Variants in HERC1 observed in about 807,000 individuals in gnomAD.
HERC1 encodes probable E3 ubiquitin-protein ligase HERC1.
In HERC1, 160 loss-of-function variants were observed where a neutral mutation model predicts 554.3. That is an observed-to-expected ratio of 0.29 (90% CI 0.25 to 0.33). The LOEUF is 0.33. Ranked by LOEUF, HERC1 falls within the 10% of genes least tolerant of loss-of-function variation. The probability of loss-of-function intolerance (pLI) is 1.00; values close to 1 mark genes in which losing one functional copy is unlikely to be tolerated. For synonymous variants in HERC1, 2,175 were observed against 2,131.7 expected, an observed-to-expected ratio of 1.02 and a Z score of -0.56; for missense variants, 4,919 against 5,918.5, an observed-to-expected ratio of 0.83 and a Z score of 5.54.
At chr15:63,613,834 A>C (rs1307260335) in intron 76 of HERC1, among the ~76,000 whole-genome samples, 1 of 152,120 alleles carries the variant, frequency 6.6e-6, no homozygotes, top group East Asian at 1.9e-4. Flanking sequence ...AAAAAATAAA[A>C]TAATAAAAAA....
intron 45 of HERC1, among the ~76,000 whole-genome samples, chr15:63,661,502 G>A (rs1197347286): frequency 2.6e-5 from 4 of 152,172 alleles, no homozygotes; most frequent in Non-Finnish European, 5.9e-5. Flanking sequence ...TAAGGCAAGG[G>A]TCCTGACCAT....
intron 74 of HERC1, among the ~76,000 whole-genome samples, chr15:63,619,295 T>C (rs1262901057): frequency 1.3e-5 from 2 of 152,188 alleles, no homozygotes; most frequent in African/African-American, 4.8e-5. Flanking sequence ...TGCTGGATTA[T>C]GTTTATTGAT....
At position 63,680,787 on chromosome 15, in the gene HERC1, AG is replaced by A; in HGVS notation, c.6226-12del. ...CTTCACAATATAAAACTAAAATAAAAGTGGGATATTCATTAATACTCAAAAA... is the reference window on the plus strand; with the variant it reads ...CTTCACAATATAAAACTAAAATAAAATGGGATATTCATTAATACTCAAAAA... On this transcript the variant is annotated splice_polypyrimidine_tract_variant and intron_variant, in intron 34 of 77. Transcript: ENST00000443617. The surrounding 1 kb of genome is among the most constrained non-coding windows in gnomAD (Gnocchi z 5.8). The A allele has an allele frequency of 6.3e-7, 1 of 1,595,652 alleles. No homozygotes were observed. Among genetic ancestry groups the A allele is most frequent in the Non-Finnish European group, 8.6e-7 (1 of 1,163,296 alleles).
At chr15:63,750,758 C>T (rs1261265608) in intron 8 of HERC1, among the ~76,000 whole-genome samples, 2 of 151,948 alleles carry the variant, frequency 1.3e-5, no homozygotes, top group African/African-American at 4.8e-5. Context: ...GTGGCAAGAC[C>T]CGATCTCCAC....
chr15:63,830,738 AAAAT>A (rs1339110714), intron 1 of HERC1, among the ~76,000 whole-genome samples: 6 of 152,214 alleles, frequency 3.9e-5, no homozygotes, highest in African/African-American at 1.4e-4. Context: ...TAAATCATTA[AAAAT>A]AAATAAAATC....
At position 63,694,040 on chromosome 15, in the gene HERC1, T is replaced by C. The variant is rs767187281; in HGVS notation, c.5598A>G (p.Glu1866=). 1.9e-6 allele frequency: 3 copies of C among 1,599,658 alleles called. No individual in the cohort carries two copies. The South Asian group carries it at 3.4e-5, about 18-fold the overall frequency. ...TGVLHMASFG[E]GEQEDGEEEE... ...CTTCTTCACCGTCTTCTTGCTCCCC[T>C]TCTCCGAAAGAGGCCATATGTAGTA... The change falls in exon 30 of 78, where the codon GAA becomes GAG. Residue 1866 remains glutamate (E), a synonymous_variant. Transcript: ENST00000443617. The surrounding 1 kb of genome is among the most constrained non-coding windows in gnomAD (Gnocchi z 4.3).
At chr15:63,829,338 G>T (rs2078046723) in intron 1 of HERC1, among the ~76,000 whole-genome samples, 1 of 151,518 alleles carries the variant, frequency 6.6e-6, no homozygotes, top group Admixed American at 6.6e-5. Context: ...TGGAAGGATG[G>T]CTTAAGCCCA....
chr15:63,721,927 C>G (rs2073838824), intron 19 of HERC1, among the ~76,000 whole-genome samples: 1 of 152,222 alleles, frequency 6.6e-6, no homozygotes, highest in Admixed American at 6.5e-5. Context: ...GTGGTGCAAT[C>G]TTGACTCACT....
chr15:63,703,339 C>T (rs1165770304), intron 25 of HERC1, among the ~76,000 whole-genome samples: 2 of 152,204 alleles, frequency 1.3e-5, no homozygotes. Flanking sequence ...ACTGAGATTA[C>T]AGGCAATGGG....
At chr15:63,651,853 T>C (rs557049870) in intron 52 of HERC1, among the ~76,000 whole-genome samples, 2 of 152,178 alleles carry the variant, frequency 1.3e-5, no homozygotes, top group African/African-American at 2.4e-5. Flanking sequence ...CTGGCCAACA[T>C]AGTGAAACCC....
intron 74 of HERC1, among the ~76,000 whole-genome samples, chr15:63,618,813 T>C (rs1056558401): frequency 2.6e-5 from 4 of 152,232 alleles, no homozygotes; most frequent in African/African-American, 9.7e-5. Context: ...TATTGGTGTA[T>C]AAGAATGTTT....
At chr15:63,616,066 C>CTA in intron 75 of HERC1, 146 bp from the exon 76 acceptor site, 1 of 685,706 alleles carries the variant, frequency 1.5e-6, no homozygotes, top group Non-Finnish European at 2.4e-6. Context: ...ACTGATCAGG[C>CTA]TACTTGATCA....
chr15:63,725,232 A>G (rs953624014), intron 18 of HERC1, 60 bp downstream of exon 18: 139 of 1,429,628 alleles, frequency 9.7e-5, no homozygotes, highest in Non-Finnish European at 1.2e-4. Flanking sequence ...CAGAATAGAG[A>G]AATCTCCAAC....
At chr15:63,745,229 G>A (rs1009924203) in intron 12 of HERC1, among the ~76,000 whole-genome samples, 6 of 152,154 alleles carry the variant, frequency 3.9e-5, no homozygotes, top group African/African-American at 1.4e-4. Context: ...GGGGAGGCGG[G>A]GGGTGAGCCA....
intron 1 of HERC1, among the ~76,000 whole-genome samples, chr15:63,816,004 T>C (rs2077480221): frequency 6.6e-6 from 1 of 152,084 alleles, no homozygotes; most frequent in African/African-American, 2.4e-5. Context: ...CCACGATTCA[T>C]TTACCTCCCA....
intron 1 of HERC1, among the ~76,000 whole-genome samples, chr15:63,827,928 G>A (rs1460295733): frequency 6.6e-6 from 1 of 152,166 alleles, no homozygotes; most frequent in Non-Finnish European, 1.5e-5. Context: ...AAAACATCCA[G>A]AATAGGCAAA....
At chr15:63,657,625 T>C (rs1362915786) in intron 48 of HERC1, among the ~76,000 whole-genome samples, 1 of 152,240 alleles carries the variant, frequency 6.6e-6, no homozygotes. Flanking sequence ...AGAGGTTTTC[T>C]ATTTTATTGT....
At chr15:63,818,298 A>C (rs1012291122) in intron 1 of HERC1, among the ~76,000 whole-genome samples, 21 of 152,184 alleles carry the variant, frequency 1.4e-4, no homozygotes, top group African/African-American at 4.6e-4. Flanking sequence ...CAGCAGAGTT[A>C]CTGCATAAAG....
chr15:63,772,674 A>G (rs2075989349), intron 2 of HERC1, among the ~76,000 whole-genome samples: 1 of 152,090 alleles, frequency 6.6e-6, no homozygotes, highest in Admixed American at 6.6e-5. Context: ...AAACACAAAG[A>G]GGCCTACACG....
Sources: gnomAD v4.1 joint callset for allele counts (sites outside exome capture counted in the v4.1 genomes callset) on GRCh38, gnomAD v4.1.1 for gene constraint, Gnocchi (gnomAD v3.1) non-coding constraint, MANE v1.5 for transcripts, NCBI Gene and HGNC (gene_info 2026-07-23, HGNC 2026-07-21) for gene names.